Variants in ARHGAP6 observed in about 807,000 individuals in gnomAD.
ARHGAP6 encodes rho GTPase-activating protein 6.
In ARHGAP6, 16 loss-of-function variants were observed where a neutral mutation model predicts 55.7. The ratio of observed to expected loss-of-function variants is 0.29; its 90% CI spans 0.19 to 0.44. The LOEUF is 0.44. ARHGAP6 is among the 20% of genes least tolerant of loss of function. The pLI is 1.00. For missense variants in ARHGAP6, 698 were observed against 808.9 expected (o/e 0.86, Z 1.66); for synonymous variants, 382 against 360.9 (o/e 1.06, Z -0.66).
At chrX:11,373,646 A>G (rs1410803731) in intron 1 of ARHGAP6, among the ~76,000 whole-genome samples, 1 of 112,194 alleles carries the variant, frequency 8.9e-6, no homozygotes, top group East Asian at 2.8e-4. Context: ...CAAAGGTCAC[A>G]TCTCAAATTC....
At chrX:11,650,872 G>A (rs986273498) in intron 1 of ARHGAP6, among the ~76,000 whole-genome samples, 3 of 112,067 alleles carry the variant, frequency 2.7e-5, no homozygotes, top group African/African-American at 9.7e-5. Flanking sequence ...TCAAGCCTGT[G>A]GATAATCTTC....
At position 11,304,995 on chromosome X, in the gene ARHGAP6, G is replaced by T. The variant is rs1472012912; in HGVS notation, c.589-50288C>A. ...GTAGAGACAGGGTTTTACCATGTTG[G>T]CCAGGATTGCTCAATCTCCTGACCT... On this transcript the variant is annotated intron_variant, in intron 1 of 12. Coordinates refer to ENST00000337414, the MANE Select transcript of ARHGAP6 (RefSeq NM_013427.3). Among the ~76,000 whole-genome samples the T allele has an allele frequency of 2.8e-5, 3 of 108,136 alleles. No individual in the cohort carries two copies. The Admixed American group carries it at 3.0e-4, about 11-fold the overall frequency. The allele number at this position is 108,136 out of a possible 115,157, so 93.9% of individuals were successfully genotyped here.
At chrX:11,415,818 G>A (rs2049739896) in intron 1 of ARHGAP6, among the ~76,000 whole-genome samples, 1 of 112,036 alleles carries the variant, frequency 8.9e-6, no homozygotes, top group South Asian at 3.7e-4. Context: ...ACATGGGACA[G>A]AATTGACAGA....
At position 11,365,882 on chromosome X, in the gene ARHGAP6, T is replaced by A. The variant is rs1450632262; in HGVS notation, c.589-111175A>T. On this transcript the variant is annotated intron_variant, in intron 1 of 12. Coordinates refer to ENST00000337414, the MANE Select transcript of ARHGAP6 (RefSeq NM_013427.3). ...GCTGCCAAAACAAAATATCATTTGC[T>A]TTTCACAGTTCTGGAGGCTGGACAT... Among the ~76,000 whole-genome samples the A allele has an allele frequency of 2.7e-5, 3 of 112,312 alleles. No individual in the cohort carries two copies. In the East Asian group the frequency reaches 8.4e-4, roughly 31 times the overall value.
chrX:11,154,468 T>A (rs1437462368), intron 10 of ARHGAP6, among the ~76,000 whole-genome samples: 1 of 112,638 alleles, frequency 8.9e-6, no homozygotes, highest in African/African-American at 3.2e-5. Flanking sequence ...AGAGTGTATT[T>A]GAAAACCATG....
chrX:11,448,050 G>C (rs1266851522), intron 1 of ARHGAP6, among the ~76,000 whole-genome samples: 2 of 112,436 alleles, frequency 1.8e-5, no homozygotes, highest in Non-Finnish European at 3.8e-5. Flanking sequence ...AGGAGTACAA[G>C]AAGACTAAAC....
At chrX:11,410,291 G>A (rs1009158868) in intron 1 of ARHGAP6, among the ~76,000 whole-genome samples, 1 of 112,517 alleles carries the variant, frequency 8.9e-6, no homozygotes, top group African/African-American at 3.2e-5. Flanking sequence ...ATTATATGGT[G>A]ATAAAAAGGA....
chrX:11,580,468 G>C (rs1424953314), intron 1 of ARHGAP6, among the ~76,000 whole-genome samples: 1 of 111,707 alleles, frequency 9.0e-6, no homozygotes, highest in Non-Finnish European at 1.9e-5. Flanking sequence ...GACCAAAGAG[G>C]ATGATGAATA....
intron 1 of ARHGAP6, among the ~76,000 whole-genome samples, chrX:11,356,084 G>A (rs1410337968): frequency 9.0e-6 from 1 of 111,281 alleles, no homozygotes; most frequent in Admixed American, 9.6e-5. Flanking sequence ...TTAGGCACTA[G>A]GCAGCAGCTT....
chrX:11,564,733 C>A (rs2051424425), intron 1 of ARHGAP6, among the ~76,000 whole-genome samples: 1 of 111,755 alleles, frequency 8.9e-6, no homozygotes, highest in Non-Finnish European at 1.9e-5. Flanking sequence ...CTCAGCCTTT[C>A]AGTCTTGTAT....
chrX:11,614,467 C>A, intron 1 of ARHGAP6, among the ~76,000 whole-genome samples: 1 of 111,282 alleles, frequency 9.0e-6, no homozygotes, highest in Non-Finnish European at 1.9e-5. Flanking sequence ...AAGGGGGGAA[C>A]TGCTACACAC....
At chrX:11,477,044 TAGGAAAA>T (rs2050409772) in intron 1 of ARHGAP6, among the ~76,000 whole-genome samples, 1 of 109,719 alleles carries the variant, frequency 9.1e-6, no homozygotes, top group Non-Finnish European at 1.9e-5. Context: ...AGACATAGAC[TAGGAAAA>T]AAATATCCAC....
At chrX:11,375,451 C>G (rs1371070188) in intron 1 of ARHGAP6, among the ~76,000 whole-genome samples, 1 of 112,099 alleles carries the variant, frequency 8.9e-6, no homozygotes, top group African/African-American at 3.2e-5. Flanking sequence ...TTCATCTATC[C>G]TAGGTAATTT....
chrX:11,362,596 G>A (rs1173670855), intron 1 of ARHGAP6, among the ~76,000 whole-genome samples: 2 of 109,385 alleles, frequency 1.8e-5, no homozygotes, highest in Non-Finnish European at 3.8e-5. Context: ...CATGGCACAT[G>A]TATACATATG....
chrX:11,567,566 A>AAAAATATATATAT (rs1440758737), intron 1 of ARHGAP6, among the ~76,000 whole-genome samples: 1 of 84,403 alleles, frequency 1.2e-5, no homozygotes, highest in Non-Finnish European at 2.3e-5. Context: ...AAAAAAAAAA[A>AAAAATATATATAT]ATATATATAT....
At chrX:11,313,734 G>A (rs1321878122) in intron 1 of ARHGAP6, among the ~76,000 whole-genome samples, 1 of 112,260 alleles carries the variant, frequency 8.9e-6, no homozygotes, top group Non-Finnish European at 1.9e-5. Flanking sequence ...GTTTATCACT[G>A]TATTTTTATA....
At chrX:11,211,455 C>A (rs917507459) in intron 2 of ARHGAP6, among the ~76,000 whole-genome samples, 1 of 111,057 alleles carries the variant, frequency 9.0e-6, no homozygotes, top group African/African-American at 3.3e-5. Flanking sequence ...TGTTCTCAAT[C>A]TCCTGACCTC....
chrX:11,186,478 A>C, intron 4 of ARHGAP6, 47 bp from the exon 5 acceptor site: 1 of 1,060,724 alleles, frequency 9.4e-7, no homozygotes, highest in Non-Finnish European at 1.3e-6. Flanking sequence ...ATAGCCAAAA[A>C]ACCCAGCTGC....
chrX:11,602,359 G>A (rs900638073), intron 1 of ARHGAP6, among the ~76,000 whole-genome samples: 5 of 112,024 alleles, frequency 4.5e-5, no homozygotes, highest in African/African-American at 1.6e-4. Context: ...GCAATATATT[G>A]GAAGAATATT....
Sources: allele counts gnomAD v4.1 joint callset (sites outside exome capture counted in the v4.1 genomes callset), GRCh38; gene constraint gnomAD v4.1.1; transcripts MANE v1.5; gene names NCBI Gene and HGNC (gene_info 2026-07-23, HGNC 2026-07-21).